Variants in MRPL1 observed in about 807,000 individuals in gnomAD.
MRPL1 encodes large ribosomal subunit protein uL1m.
MRPL1 carries 28 observed loss-of-function variants against 38.0 expected under a neutral mutation model. That is an observed-to-expected ratio of 0.74 (90% CI 0.55 to 1.01). The LOEUF is 1.01. MRPL1 is among the 50% of genes least tolerant of loss of function. The probability of loss-of-function intolerance (pLI) is 0.00; values close to 1 mark genes in which losing one functional copy is unlikely to be tolerated. For missense variants in MRPL1, 358 were observed against 389.8 expected, an observed-to-expected ratio of 0.92 and a Z score of 0.69; for synonymous variants, 123 against 126.7, an observed-to-expected ratio of 0.97 and a Z score of 0.20.
chr4:77,894,116 A>G, intron 5 of MRPL1, 23 bp from the exon 6 acceptor site: 1 of 1,313,066 alleles, frequency 7.6e-7, no homozygotes, highest in Non-Finnish European at 1.1e-6. Context: ...ATCTGAGGTC[A>G]CCTTTTTTTT....
intron 7 of MRPL1, among the ~76,000 whole-genome samples, chr4:77,937,554 T>G (rs538173737): frequency 2.0e-4 from 31 of 152,342 alleles, no homozygotes; most frequent in African/African-American, 6.7e-4. Flanking sequence ...ATTTCCTTCA[T>G]ATAGCACATG....
chr4:77,908,781 G>A (rs1477168744), intron 6 of MRPL1, among the ~76,000 whole-genome samples: 2 of 152,156 alleles, frequency 1.3e-5, no homozygotes, highest in African/African-American at 4.8e-5. Flanking sequence ...TCCACTCAAG[G>A]TATTGGCCAG....
chr4:77,934,691 T>C (rs1736922590), intron 7 of MRPL1, among the ~76,000 whole-genome samples: 1 of 152,130 alleles, frequency 6.6e-6, no homozygotes, highest in Admixed American at 6.6e-5. Context: ...AGATACATAC[T>C]GAAAAGAATT....
chr4:77,906,847 T>A, intron 6 of MRPL1: 1 of 414,626 alleles, frequency 2.4e-6, no homozygotes, highest in South Asian at 1.0e-4. Context: ...TACAATTTTA[T>A]CATATTGTTT....
At chr4:77,913,143 C>G (rs1367219780) in intron 7 of MRPL1, among the ~76,000 whole-genome samples, 1 of 151,916 alleles carries the variant, frequency 6.6e-6, no homozygotes, top group Non-Finnish European at 1.5e-5. Flanking sequence ...ACATGAAAAG[C>G]ATGATCCATA....
chr4:77,876,857 TTCTC>T (rs1488474922), intron 2 of MRPL1, among the ~76,000 whole-genome samples: 1 of 152,092 alleles, frequency 6.6e-6, no homozygotes, highest in Non-Finnish European at 1.5e-5. Flanking sequence ...CTGGTTTTGT[TTCTC>T]TCTTGACTGT....
At chr4:77,885,085 GATGAATAGTAATTC>G (rs574848312) in intron 3 of MRPL1, among the ~76,000 whole-genome samples, 157 bp from the exon 4 acceptor site, 305 of 152,104 alleles carry the variant, frequency 2.0e-3, no homozygotes, top group African/African-American at 6.5e-3. Context: ...AATTGTAATC[GATGAATAGTAATTC>G]ATGAATAGTA....
At chr4:77,891,327 C>T in intron 5 of MRPL1, among the ~76,000 whole-genome samples, 1 of 150,606 alleles carries the variant, frequency 6.6e-6, no homozygotes, top group African/African-American at 2.4e-5. Flanking sequence ...GTCATAGCCA[C>T]TCCTTTGGTT....
At chr4:77,943,747 C>T (rs1283764989) in intron 7 of MRPL1, among the ~76,000 whole-genome samples, 1 of 152,042 alleles carries the variant, frequency 6.6e-6, no homozygotes, top group Non-Finnish European at 1.5e-5. Flanking sequence ...TTTATGCTAT[C>T]TGGTTCACTG....
intron 7 of MRPL1, among the ~76,000 whole-genome samples, chr4:77,948,583 T>G (rs564228711): frequency 6.6e-6 from 1 of 152,316 alleles, no homozygotes; most frequent in South Asian, 2.1e-4. Flanking sequence ...GGGTGTTGAA[T>G]AAATGCTGTT....
chr4:77,886,613 G>A (rs903839369), intron 4 of MRPL1, among the ~76,000 whole-genome samples: 5 of 151,642 alleles, frequency 3.3e-5, no homozygotes, highest in Non-Finnish European at 7.4e-5. Flanking sequence ...GATTACAGGC[G>A]TGAGCCACCA....
intron 7 of MRPL1, among the ~76,000 whole-genome samples, chr4:77,921,142 C>G (rs1736566038): frequency 6.6e-6 from 1 of 152,186 alleles, no homozygotes; most frequent in South Asian, 2.1e-4. Context: ...TCTACATGTG[C>G]TGGCATCTCC....
At chr4:77,884,330 T>C (rs758720770) in intron 3 of MRPL1, among the ~76,000 whole-genome samples, 11 of 152,268 alleles carry the variant, frequency 7.2e-5, no homozygotes, top group East Asian at 3.9e-4. Flanking sequence ...AAGGTTTTTC[T>C]AAAAATATTG....
At chr4:77,898,988 G>GT (rs1560465396) in intron 6 of MRPL1, among the ~76,000 whole-genome samples, 1 of 140,572 alleles carries the variant, frequency 7.1e-6, no homozygotes, top group Non-Finnish European at 1.5e-5. Flanking sequence ...CTTATGCACA[G>GT]ATTTTTTTTT....
chr4:77,924,180 A>G (rs925225893), intron 7 of MRPL1, among the ~76,000 whole-genome samples: 3 of 151,614 alleles, frequency 2.0e-5, no homozygotes, highest in Non-Finnish European at 4.4e-5. Flanking sequence ...CTTTGAATTT[A>G]GTTTGATGAT....
chr4:77,898,997 T>G (rs1035159598), intron 6 of MRPL1, among the ~76,000 whole-genome samples: 4 of 147,242 alleles, frequency 2.7e-5, no homozygotes, highest in African/African-American at 1.0e-4. Context: ...AGATTTTTTT[T>G]TTTTTTTTTT....
At chr4:77,867,331 T>C (rs1193202779) in intron 1 of MRPL1, among the ~76,000 whole-genome samples, 1 of 152,226 alleles carries the variant, frequency 6.6e-6, no homozygotes, top group African/African-American at 2.4e-5. Context: ...GCCCCTTTCA[T>C]GTGCTGTAAT....
chr4:77,864,925 C>G (rs970394428), intron 1 of MRPL1: 4 of 143,306 alleles, frequency 2.8e-5, no homozygotes, highest in Non-Finnish European at 6.0e-5. Flanking sequence ...GAATCTTGCT[C>G]TGTCACCCAG....
At chr4:77,868,051 T>G (rs1485046424) in intron 1 of MRPL1, among the ~76,000 whole-genome samples, 1 of 149,788 alleles carries the variant, frequency 6.7e-6, no homozygotes, top group Non-Finnish European at 1.5e-5. Flanking sequence ...CCACCGCGCC[T>G]GGCCAGTTAT....
Sources: allele counts gnomAD v4.1 joint callset (sites outside exome capture counted in the v4.1 genomes callset), GRCh38; gene constraint gnomAD v4.1.1; transcripts MANE v1.5; gene names NCBI Gene and HGNC (gene_info 2026-07-23, HGNC 2026-07-21).